The following ACCSL variants were observed in gnomAD, a reference collection of about 807,000 sequenced individuals.
The protein encoded by ACCSL is 1-aminocyclopropane-1-carboxylate synthase homolog (inactive) like, also known as probable inactive 1-aminocyclopropane-1-carboxylate synthase-like protein 2.
In ACCSL, 55 loss-of-function variants were observed where a neutral mutation model predicts 61.7. The observed-to-expected ratio is 0.89, with a 90% CI of 0.72 to 1.12. ACCSL has a LOEUF of 1.12. Among genes scored for constraint, ACCSL ranks in the 50% most tolerant of loss-of-function variants. The pLI, the probability that ACCSL is intolerant of heterozygous loss-of-function variation, is 0.00. For synonymous variants in ACCSL, 258 were observed against 264.3 expected (o/e 0.98, Z 0.23); for missense variants, 632 against 698.0 (o/e 0.91, Z 1.07).
the ACCSL span, chr11:43,943,349 G>A: frequency 1.4e-5 from 20 of 1,395,024 alleles, no homozygotes; most frequent in African/African-American, 3.1e-4. The surrounding 1 kb of genome is among the most constrained non-coding windows in gnomAD (Gnocchi z 4.8). Flanking sequence ...GAGAGTGCCC[G>A]CGCCCTGCTC....
chr11:44,038,418 G>A, the ACCSL span, among the ~76,000 whole-genome samples: 1 of 152,206 alleles, frequency 6.6e-6, no homozygotes, highest in African/African-American at 2.4e-5. Flanking sequence ...GAGGAGTTAA[G>A]GAGGAAGGCT....
At chr11:44,047,901 C>T (rs1241284784), upstream of ACCSL, 1 of 1,162,290 alleles carries the variant, frequency 8.6e-7, no homozygotes, top group Non-Finnish European at 1.2e-6. Flanking sequence ...GTGAGAAGAA[C>T]AGATCTGAGA....
chr11:43,922,480 A>C, the ACCSL span, among the ~76,000 whole-genome samples: 6 of 152,328 alleles, frequency 3.9e-5, no homozygotes, highest in East Asian at 1.2e-3. Flanking sequence ...TTTCCTGTTC[A>C]TCAGGGCAGG....
chr11:43,957,025 C>A, the ACCSL span, among the ~76,000 whole-genome samples: 1 of 152,168 alleles, frequency 6.6e-6, no homozygotes, highest in African/African-American at 2.4e-5. Flanking sequence ...GGGATAGAGG[C>A]AGCAGAACAT....
the ACCSL span, among the ~76,000 whole-genome samples, chr11:43,968,673 A>G: frequency 6.9e-4 from 105 of 152,296 alleles, 1 homozygote; most frequent in African/African-American, 2.3e-3. Flanking sequence ...CCCATCTGGG[A>G]TTATGAATTC....
intron 5 of ACCSL, among the ~76,000 whole-genome samples, chr11:44,052,420 A>G (rs183725841): frequency 1.5e-4 from 23 of 152,324 alleles, no homozygotes; most frequent in Admixed American, 6.5e-4. Flanking sequence ...ACTCAGTGAT[A>G]TTCTTCCCTC....
chr11:43,934,396 GC>G, the ACCSL span, among the ~76,000 whole-genome samples: 1 of 152,132 alleles, frequency 6.6e-6, no homozygotes, highest in East Asian at 1.9e-4. Context: ...TCAGTCTCTC[GC>G]CTGCTAGAGA....
At chr11:44,003,582 G>A in the ACCSL span, among the ~76,000 whole-genome samples, 1 of 151,516 alleles carries the variant, frequency 6.6e-6, no homozygotes, top group African/African-American at 2.4e-5. Context: ...GGTGGAGGTT[G>A]CAGTGAGCTG....
the ACCSL span, among the ~76,000 whole-genome samples, chr11:43,994,629 T>TAATG: frequency 4.8e-3 from 143 of 29,672 alleles, 1 homozygote; most frequent in Middle Eastern, 0.019. Context: ...TAAATATGTA[T>TAATG]TATTATTATT....
chr11:43,993,897 TG>T, the ACCSL span, among the ~76,000 whole-genome samples: 4 of 152,238 alleles, frequency 2.6e-5, no homozygotes, highest in East Asian at 1.9e-4. Flanking sequence ...CTACAGATTC[TG>T]GGACATGCAA....
the ACCSL span, among the ~76,000 whole-genome samples, chr11:44,015,892 C>T: frequency 1.3e-5 from 2 of 152,162 alleles, no homozygotes; most frequent in African/African-American, 4.8e-5. Flanking sequence ...GTAAGCGAAA[C>T]ATAAGAAATG....
At chr11:44,054,261 A>G (rs1286740521) in intron 8 of ACCSL, among the ~76,000 whole-genome samples, 1 of 152,144 alleles carries the variant, frequency 6.6e-6, no homozygotes, top group African/African-American at 2.4e-5. Context: ...TCCATAAGAA[A>G]CAGACTTAGT....
At chr11:43,953,834 T>C in the ACCSL span, among the ~76,000 whole-genome samples, 1 of 152,060 alleles carries the variant, frequency 6.6e-6, no homozygotes, top group Non-Finnish European at 1.5e-5. Context: ...ATACAAACCA[T>C]AGGTCGCTCT....
chr11:44,019,712 C>A, the ACCSL span, among the ~76,000 whole-genome samples: 2 of 152,094 alleles, frequency 1.3e-5, no homozygotes, highest in African/African-American at 2.4e-5. Flanking sequence ...TTTTTACTTT[C>A]TTGATAGTGT....
At chr11:44,010,593 G>T in the ACCSL span, among the ~76,000 whole-genome samples, 1,659 of 152,250 alleles carry the variant, frequency 0.011, 33 homozygotes, top group African/African-American at 0.038. Flanking sequence ...CTGCTAAGTG[G>T]TTTTGCTATG....
the ACCSL span, among the ~76,000 whole-genome samples, chr11:43,928,954 C>A: frequency 6.6e-6 from 1 of 152,218 alleles, no homozygotes; most frequent in Admixed American, 6.5e-5. Context: ...CAAGATGCTT[C>A]AGAGGAAAGA....
At chr11:43,977,731 TTGCCTGGAGACA>T in the ACCSL span, among the ~76,000 whole-genome samples, 1 of 152,202 alleles carries the variant, frequency 6.6e-6, no homozygotes, top group African/African-American at 2.4e-5. Flanking sequence ...CCCACCTGGG[TTGCCTGGAGACA>T]TCCCTCCCTC....
chr11:43,962,183 G>A, the ACCSL span, among the ~76,000 whole-genome samples: 10 of 152,246 alleles, frequency 6.6e-5, no homozygotes, highest in Non-Finnish European at 1.5e-4. Context: ...AGAGTGAGGC[G>A]CTGCCATAAT....
the ACCSL span, among the ~76,000 whole-genome samples, chr11:44,042,633 T>G: frequency 6.0e-4 from 24 of 40,278 alleles, no homozygotes; most frequent in East Asian, 8.7e-3. Context: ...GTTGTTTTTT[T>G]TTTGTTTGTT....
Sources: gnomAD v4.1 joint callset for allele counts (sites outside exome capture counted in the v4.1 genomes callset) on GRCh38, gnomAD v4.1.1 for gene constraint, Gnocchi (gnomAD v3.1) non-coding constraint, MANE v1.5 for transcripts, NCBI Gene and HGNC (gene_info 2026-07-23, HGNC 2026-07-21) for gene names.